PDZD2: variants seen among roughly 807,000 people sequenced by gnomAD.
PDZD2 encodes the protein PDZ domain containing 2.
PDZD2 carries 90 observed loss-of-function variants against 220.7 expected under a neutral mutation model. The observed-to-expected ratio is 0.41, with a 90% confidence interval of 0.34 to 0.49. The LOEUF (loss-of-function observed/expected upper bound fraction) is 0.49. Among genes scored for constraint, PDZD2 ranks in the 20% least tolerant of loss-of-function variants. The pLI, the probability that PDZD2 is intolerant of heterozygous loss-of-function variation, is 0.28. For synonymous variants in PDZD2, 1,375 were observed against 1,450.5 expected, an observed-to-expected ratio of 0.95 and a Z score of 1.18; for missense variants, 3,174 against 3,608.5, an observed-to-expected ratio of 0.88 and a Z score of 3.08.
At chr5:31,932,029 T>C (rs10059238) in intron 2 of PDZD2, among the ~76,000 whole-genome samples, 142,685 of 152,244 alleles carry the variant, frequency 0.94, 66,902 homozygotes, top group Middle Eastern at 0.96. Flanking sequence ...TCCCCATCAG[T>C]GCTGACATTA....
intron 2 of PDZD2, among the ~76,000 whole-genome samples, chr5:31,869,134 T>G (rs1472341435): frequency 6.6e-6 from 1 of 152,228 alleles, no homozygotes; most frequent in Admixed American, 6.5e-5. Context: ...CCATCTTTCA[T>G]GTTGTAACTA....
chr5:31,926,455 G>A (rs1054871938), intron 2 of PDZD2, among the ~76,000 whole-genome samples: 3 of 143,682 alleles, frequency 2.1e-5, no homozygotes, highest in South Asian at 2.2e-4. Context: ...GGACCCGGGA[G>A]GCAGGGGTTG....
chr5:31,868,434 A>G (rs978809538), intron 2 of PDZD2, among the ~76,000 whole-genome samples: 2 of 152,148 alleles, frequency 1.3e-5, no homozygotes, highest in African/African-American at 4.8e-5. Context: ...CGACAGAGCG[A>G]GACTCCATCT....
intron 2 of PDZD2, among the ~76,000 whole-genome samples, chr5:31,868,667 T>TTGC (rs1334730758): frequency 6.6e-6 from 1 of 152,196 alleles, no homozygotes; most frequent in Non-Finnish European, 1.5e-5. Context: ...TGTTCTGGGT[T>TTGC]TGCTGCTGCT....
intron 2 of PDZD2, among the ~76,000 whole-genome samples, chr5:31,867,254 C>G (rs1053098441): frequency 1.1e-4 from 17 of 152,252 alleles, no homozygotes; most frequent in African/African-American, 4.1e-4. Context: ...ACAGCAGATT[C>G]CAACCTAGAC....
chr5:31,676,785 G>A (rs1746444069), intron 1 of PDZD2, among the ~76,000 whole-genome samples: 2 of 151,904 alleles, frequency 1.3e-5, no homozygotes, highest in African/African-American at 4.8e-5. Context: ...AGCTCCTGAT[G>A]TCAGGTGATC....
At chr5:32,045,878 T>G (rs1251339015) in intron 7 of PDZD2, among the ~76,000 whole-genome samples, 1 of 152,204 alleles carries the variant, frequency 6.6e-6, no homozygotes, top group African/African-American at 2.4e-5. Flanking sequence ...TTCTTCCCAC[T>G]TTCTATCACT....
At chr5:31,923,408 G>C in intron 2 of PDZD2, 1 of 1,262,014 alleles carries the variant, frequency 7.9e-7, no homozygotes, top group Non-Finnish European at 1.2e-6. Context: ...GACTGCAGCA[G>C]CTCTTCAACG....
intron 2 of PDZD2, among the ~76,000 whole-genome samples, chr5:31,867,886 G>A (rs554119477): frequency 5.3e-5 from 8 of 152,068 alleles, no homozygotes; most frequent in Admixed American, 6.6e-5. Context: ...AGCAGGTGTG[G>A]GGTGGGGCGG....
intron 5 of PDZD2, among the ~76,000 whole-genome samples, chr5:32,002,596 ACACACAC>A (rs1227360473): frequency 0.017 from 2,501 of 148,216 alleles, 59 homozygotes; most frequent in Non-Finnish European, 0.028. Context: ...CATACCACAC[ACACACAC>A]CACACACACA....
At chr5:31,730,702 C>T (rs544403694) in intron 1 of PDZD2, among the ~76,000 whole-genome samples, 1 of 151,844 alleles carries the variant, frequency 6.6e-6, no homozygotes, top group Admixed American at 6.6e-5. Flanking sequence ...ATTTTCAGGA[C>T]GGTCTTGGAA....
chr5:31,953,202 C>T (rs1747338605), intron 2 of PDZD2, among the ~76,000 whole-genome samples: 1 of 151,986 alleles, frequency 6.6e-6, no homozygotes, highest in Non-Finnish European at 1.5e-5. Context: ...TAGGGAATCC[C>T]AAATTGGCCC....
At chr5:31,969,920 C>T (rs532016776) in intron 2 of PDZD2, among the ~76,000 whole-genome samples, 5 of 151,804 alleles carry the variant, frequency 3.3e-5, no homozygotes, top group Non-Finnish European at 5.9e-5. Context: ...TTTTTTGAGA[C>T]GGAGTTTCGC....
At chr5:31,655,786 G>C (rs1206068570) in intron 1 of PDZD2, among the ~76,000 whole-genome samples, 3 of 152,222 alleles carry the variant, frequency 2.0e-5, no homozygotes, top group African/African-American at 7.2e-5. Context: ...TGATTCTAAA[G>C]TGAAGCCAGC....
At chr5:31,974,173 G>T (rs1749545557) in intron 2 of PDZD2, among the ~76,000 whole-genome samples, 1 of 152,012 alleles carries the variant, frequency 6.6e-6, no homozygotes, top group African/African-American at 2.4e-5. Context: ...TAGAGATGGG[G>T]TTTCACCATG....
rs35969573 is a variant in PDZD2, at chr5:31,894,058, CTTTTTTTTTTT to C, written c.477-89081_477-89071del. Among the ~76,000 whole-genome samples the C allele has an allele frequency of 4.3e-5, 3 of 69,760 alleles. No individual in the cohort carries two copies. In the South Asian group the frequency reaches 2.0e-3, roughly 46 times the overall value. The allele number at this position is 69,760 out of a possible 152,430, so 45.8% of individuals were successfully genotyped here. The stretch of plus-strand genomic sequence containing the variant: ...TACAGGCATGCGCCACCACGCCCAG[CTTTTTTTTTTT>C]TTTTTTTTTTTTTTTGGATTTTTAT... On this transcript the variant is annotated intron_variant, in intron 2 of 24. Coordinates refer to ENST00000438447, the MANE Select transcript of PDZD2 (RefSeq NM_178140.4).
chr5:31,860,246 G>A (rs1737565553), intron 2 of PDZD2, among the ~76,000 whole-genome samples: 2 of 152,226 alleles, frequency 1.3e-5, no homozygotes, highest in South Asian at 4.1e-4. Context: ...ACAGATTGCA[G>A]AATTTCAGCC....
chr5:31,765,216 A>G (rs1425252456), intron 1 of PDZD2, among the ~76,000 whole-genome samples: 1 of 152,148 alleles, frequency 6.6e-6, no homozygotes, highest in African/African-American at 2.4e-5. Context: ...ACATCAGAGG[A>G]CCACTGGCAT....
chr5:31,643,918 C>T (rs1745038027), intron 1 of PDZD2, among the ~76,000 whole-genome samples: 1 of 152,002 alleles, frequency 6.6e-6, no homozygotes, highest in Non-Finnish European at 1.5e-5. Flanking sequence ...TCCCCGGCTC[C>T]AGTGATCCTT....
Sources: gnomAD v4.1 joint callset for allele counts (sites outside exome capture counted in the v4.1 genomes callset) on GRCh38, gnomAD v4.1.1 for gene constraint, MANE v1.5 for transcripts, NCBI Gene and HGNC (gene_info 2026-07-23, HGNC 2026-07-21) for gene names.